The following ABR variants were observed in gnomAD, a reference collection of about 807,000 sequenced individuals.
ABR encodes ABR activator of RhoGEF and GTPase.
In ABR, 35 loss-of-function variants were observed where a neutral mutation model predicts 107.2. The ratio of observed to expected loss-of-function variants is 0.33; its 90% CI spans 0.25 to 0.43. The LOEUF is 0.43. Ranked by LOEUF, ABR falls within the 20% of genes least tolerant of loss-of-function variation. ABR has a pLI of 1.00. For missense variants in ABR, 815 were observed against 1,115.2 expected (o/e 0.73, Z 3.83); for synonymous variants, 498 against 462.0 (o/e 1.08, Z -1.00).
At chr17:1,028,233 GGT>G (rs2072391298) in intron 16 of ABR, among the ~76,000 whole-genome samples, 1 of 151,646 alleles carries the variant, frequency 6.6e-6, no homozygotes, top group Non-Finnish European at 1.5e-5. Context: ...TGGGATTACA[GGT>G]GCCCGCCACC....
chr17:1,102,433 A>G (rs1297019846), intron 2 of ABR, among the ~76,000 whole-genome samples: 3 of 151,680 alleles, frequency 2.0e-5, no homozygotes, highest in African/African-American at 7.3e-5. Flanking sequence ...AATAAAATGA[A>G]CTCACTCCCC....
At chr17:1,024,506 G>C (rs987285070) in intron 16 of ABR, among the ~76,000 whole-genome samples, 1 of 152,178 alleles carries the variant, frequency 6.6e-6, no homozygotes, top group Admixed American at 6.5e-5. Context: ...AACAGTCTGG[G>C]CCAGGCACGG....
intron 1 of ABR, among the ~76,000 whole-genome samples, chr17:1,223,324 CACAG>C (rs1335846870): frequency 1.3e-5 from 2 of 151,950 alleles, no homozygotes; most frequent in African/African-American, 2.4e-5. Context: ...CACACACACA[CACAG>C]AGACACGAAT....
At chr17:1,117,786 TC>T (rs1282041457) in intron 2 of ABR, among the ~76,000 whole-genome samples, 38 of 52,344 alleles carry the variant, frequency 7.3e-4, no homozygotes, top group African/African-American at 3.8e-3. Flanking sequence ...GCCTGAGTTC[TC>T]CCCAGCGTTA....
At chr17:1,016,816 T>G (rs2071201546) in intron 16 of ABR, among the ~76,000 whole-genome samples, 1 of 152,126 alleles carries the variant, frequency 6.6e-6, no homozygotes, top group Non-Finnish European at 1.5e-5. Flanking sequence ...AAAACTCTCC[T>G]GCCCACGTCG....
chr17:1,067,103 C>T lies in ABR; in HGVS notation c.1156G>A (p.Ala386Thr), dbSNP rs997501760. The T allele has an allele frequency of 1.9e-6, 3 of 1,613,700 alleles. No individual in the cohort carries two copies. Among genetic ancestry groups the T allele is most frequent in the Non-Finnish European group, 2.5e-6 (3 of 1,179,906 alleles). ...TCCTTCTGGATTTCACTCTTGAGGGCAGAGATCTTCATCTTCATGTCCTCC... is the reference window on the plus strand; with the variant it reads ...TCCTTCTGGATTTCACTCTTGAGGGTAGAGATCTTCATCTTCATGTCCTCC... ...ELEDMKMKIS[A>T]LKSEIQKEKA... The change falls in exon 10 of 23, where the codon GCC becomes ACC. Residue 386 changes from alanine (A) to threonine (T), a missense_variant. Coordinates refer to ENST00000302538, the MANE Select transcript of ABR (RefSeq NM_021962.5).
intron 16 of ABR, among the ~76,000 whole-genome samples, chr17:1,047,138 A>C (rs928003040): frequency 2.6e-5 from 4 of 152,190 alleles, no homozygotes; most frequent in Non-Finnish European, 5.9e-5. Context: ...GGGGCCTCAG[A>C]GACTGCCCTC....
chr17:1,125,770 T>C (rs2039572037), intron 1 of ABR: 2 of 241,940 alleles, frequency 8.3e-6, no homozygotes, highest in Admixed American at 1.1e-4. Context: ...AATAAGGAGG[T>C]GGGGGGGGCC....
At chr17:1,224,059 G>C (rs959784731) in intron 1 of ABR, among the ~76,000 whole-genome samples, 2 of 152,142 alleles carry the variant, frequency 1.3e-5, no homozygotes, top group Non-Finnish European at 2.9e-5. Flanking sequence ...AAGCCCTTAG[G>C]GTTAGCGACG....
At chr17:1,018,025 T>G (rs2071295929) in intron 16 of ABR, among the ~76,000 whole-genome samples, 2 of 152,016 alleles carry the variant, frequency 1.3e-5, no homozygotes, top group African/African-American at 4.8e-5. Flanking sequence ...TGTACCACTG[T>G]GTGGGCCCTT....
At chr17:1,132,377 CTTT>C (rs782501170) in intron 1 of ABR, among the ~76,000 whole-genome samples, 54,231 of 125,342 alleles carry the variant, frequency 0.43, 10,163 homozygotes, top group Middle Eastern at 0.46. Context: ...ACCGAAAGCA[CTTT>C]TTTTTTTTTT....
At chr17:1,081,247 G>C (rs954605428) in intron 5 of ABR, among the ~76,000 whole-genome samples, 14 of 152,186 alleles carry the variant, frequency 9.2e-5, no homozygotes, top group African/African-American at 3.4e-4. Flanking sequence ...CCTTTTATTT[G>C]TATTTTTAAT....
chr17:1,012,653 G>C (rs368554003), intron 18 of ABR, 35 bp downstream of exon 18: 2 of 1,513,372 alleles, frequency 1.3e-6, no homozygotes, highest in African/African-American at 2.8e-5. Context: ...CCGGGGCACC[G>C]ACGCCAGGAC....
At position 1,078,964 on chromosome 17, in the gene ABR, G is replaced by GACTCC; in HGVS notation, c.700+361_700+365dup. 6.6e-7 allele frequency: 1 copy of GACTCC among 1,507,198 alleles called. No homozygotes were observed. The allele number at this position is 1,507,198 out of a possible 1,614,324, so 93.4% of individuals were successfully genotyped here. On this transcript the variant is annotated intron_variant, in intron 6 of 22. Coordinates refer to ENST00000302538, the MANE Select transcript of ABR (RefSeq NM_021962.5). This position sits in a 1 kb window ranked among gnomAD's most constrained non-coding sequence, Gnocchi z 7.5. ...GCCACCTTGCTGATGCTGCCGCACGGACTCCAGCATCGGGCAGCCGCTCCG... is the reference window on the plus strand; with the variant it reads ...GCCACCTTGCTGATGCTGCCGCACGGACTCCACTCCAGCATCGGGCAGCCGCTCCG...
intron 10 of ABR, among the ~76,000 whole-genome samples, chr17:1,063,558 C>CTGT (rs546183673): frequency 0.099 from 5,880 of 59,650 alleles, 1,047 homozygotes; most frequent in Non-Finnish European, 0.12. Flanking sequence ...CCTCTAGACA[C>CTGT]TGTTATGTGA....
At chr17:1,031,618 TGCGCACGCG>T (rs2072771467) in intron 16 of ABR, 1 of 1,237,630 alleles carries the variant, frequency 8.1e-7, no homozygotes, top group African/African-American at 1.6e-5. Context: ...AGCAGCTTGT[TGCGCACGCG>T]GCCCCAGAGC....
intron 2 of ABR, among the ~76,000 whole-genome samples, chr17:1,105,498 G>A (rs1355999484): frequency 6.6e-6 from 1 of 152,174 alleles, no homozygotes; most frequent in Non-Finnish European, 1.5e-5. Context: ...CCAAATGGGG[G>A]ATACAGGCAT....
At chr17:1,197,879 C>G (rs2042598717) in intron 1 of ABR, among the ~76,000 whole-genome samples, 1 of 151,652 alleles carries the variant, frequency 6.6e-6, no homozygotes, top group Non-Finnish European at 1.5e-5. Context: ...CTAACTGGAG[C>G]TGGGCTCCTC....
intron 2 of ABR, among the ~76,000 whole-genome samples, chr17:1,114,950 G>C (rs556459374): frequency 4.6e-5 from 7 of 152,204 alleles, no homozygotes; most frequent in Non-Finnish European, 1.0e-4. Flanking sequence ...ACTGCAATGA[G>C]CAAGTTTTGT....
Sources: allele counts gnomAD v4.1 joint callset (sites outside exome capture counted in the v4.1 genomes callset), GRCh38; gene constraint gnomAD v4.1.1; non-coding constraint Gnocchi (gnomAD v3.1); transcripts MANE v1.5; gene names NCBI Gene and HGNC (gene_info 2026-07-23, HGNC 2026-07-21).